Variants in SEZ6L observed in about 807,000 individuals in gnomAD.
The protein encoded by SEZ6L is seizure related 6 homolog like.
A neutral mutation model predicts 106.2 loss-of-function variants in SEZ6L; 37 were observed. The ratio of observed to expected loss-of-function variants is 0.35; its 90% confidence interval spans 0.27 to 0.46. The LOEUF is 0.46. Among genes scored for constraint, SEZ6L ranks in the 20% least tolerant of loss-of-function variants. SEZ6L has a pLI of 1.00. For synonymous variants in SEZ6L, 541 were observed against 570.4 expected (o/e 0.95, Z 0.73); for missense variants, 1,172 against 1,332.8 (o/e 0.88, Z 1.88).
chr22:26,292,929 T>C lies in SEZ6L; in HGVS notation c.618T>C (p.Thr206=), dbSNP rs1487241919. The C allele has an allele frequency of 5.0e-6, 8 of 1,613,954 alleles. No individual in the cohort carries two copies. The highest frequency in any genetic ancestry group is 5.9e-6 in the Non-Finnish European group (7 of 1,180,010). Residue 206 remains threonine, a synonymous_variant, in exon 2 of 17, where the codon ACT becomes ACC. Coordinates refer to ENST00000248933, the MANE Select transcript of SEZ6L (RefSeq NM_021115.5). ...TPAPLQISPF[T]SQPYVAHTLP... ...CACCCCTGCAAATCTCCCCCTTCAC[T>C]TCGCAGCCCTATGTGGCCCACACAC...
intron 1 of SEZ6L, among the ~76,000 whole-genome samples, chr22:26,262,244 T>TTATCTATCTATCTATC (rs58457773): frequency 0.14 from 20,828 of 144,158 alleles, 1,603 homozygotes; most frequent in East Asian, 0.2. Flanking sequence ...TTGATATATT[T>TTATCTATCTATCTATC]TATCTATCTA....
intron 1 of SEZ6L, among the ~76,000 whole-genome samples, chr22:26,262,743 T>A (rs1442670252): frequency 6.6e-6 from 1 of 152,054 alleles, no homozygotes; most frequent in Non-Finnish European, 1.5e-5. Flanking sequence ...TGTGCATGGG[T>A]CGATGGGGGA....
At chr22:26,378,417 C>T (rs918165054) in intron 16 of SEZ6L, among the ~76,000 whole-genome samples, 7 of 152,330 alleles carry the variant, frequency 4.6e-5, no homozygotes, top group African/African-American at 1.4e-4. Context: ...GATGCACAGC[C>T]TGAAGCCAGG....
At chr22:26,361,516 A>ATATAT (rs1007423921) in intron 12 of SEZ6L, among the ~76,000 whole-genome samples, 1 of 136,908 alleles carries the variant, frequency 7.3e-6, no homozygotes, top group African/African-American at 2.7e-5. Context: ...CAAAAAAAAA[A>ATATAT]AAAAATATAT....
intron 1 of SEZ6L, among the ~76,000 whole-genome samples, chr22:26,220,928 G>GAT (rs58688098): frequency 2.0e-5 from 3 of 151,826 alleles, no homozygotes; most frequent in East Asian, 1.9e-4. Flanking sequence ...TGGATGGATG[G>GAT]GTGGATGGAT....
chr22:26,270,516 C>T (rs548418229), intron 1 of SEZ6L, among the ~76,000 whole-genome samples: 159 of 151,010 alleles, frequency 1.1e-3, no homozygotes, highest in African/African-American at 3.8e-3. Context: ...GTGAAGCACT[C>T]CTGGAGGAAG....
intron 13 of SEZ6L, among the ~76,000 whole-genome samples, chr22:26,368,756 A>AT (rs397961352): frequency 1.3e-5 from 2 of 151,762 alleles, no homozygotes; most frequent in Non-Finnish European, 2.9e-5. Context: ...AAAAAAAAAA[A>AT]CAATTCCCCT....
chr22:26,179,588 A>G (rs1184211657), intron 1 of SEZ6L, among the ~76,000 whole-genome samples: 1 of 152,190 alleles, frequency 6.6e-6, no homozygotes, highest in Non-Finnish European at 1.5e-5. Context: ...AGTTTATGGT[A>G]TTTTGTTGTA....
At chr22:26,272,299 G>A (rs1023437670) in intron 1 of SEZ6L, among the ~76,000 whole-genome samples, 3 of 152,154 alleles carry the variant, frequency 2.0e-5, no homozygotes, top group Non-Finnish European at 4.4e-5. Flanking sequence ...TTCTATGTCC[G>A]AGTTACATTC....
chr22:26,326,242 G>A (rs2082302395), intron 9 of SEZ6L, among the ~76,000 whole-genome samples: 1 of 152,186 alleles, frequency 6.6e-6, no homozygotes, highest in African/African-American at 2.4e-5. Context: ...CCTTGTCGGT[G>A]CACCCCTACA....
intron 1 of SEZ6L, among the ~76,000 whole-genome samples, chr22:26,286,630 C>CA (rs1335330577): frequency 1.3e-5 from 2 of 152,150 alleles, no homozygotes; most frequent in Non-Finnish European, 2.9e-5. Context: ...TCACTCACAT[C>CA]ACCTTGTACC....
chr22:26,228,354 T>C (rs2078696966), intron 1 of SEZ6L, among the ~76,000 whole-genome samples: 1 of 152,158 alleles, frequency 6.6e-6, no homozygotes, highest in African/African-American at 2.4e-5. Flanking sequence ...GCGAGGTTAA[T>C]GAAGGTGAGG....
intron 1 of SEZ6L, among the ~76,000 whole-genome samples, chr22:26,212,716 C>G (rs562453956): frequency 6.6e-6 from 1 of 152,308 alleles, no homozygotes; most frequent in African/African-American, 2.4e-5. Flanking sequence ...AGCCACCACG[C>G]CTGGCCAAGA....
At chr22:26,258,925 A>G (rs977747610) in intron 1 of SEZ6L, among the ~76,000 whole-genome samples, 3 of 152,224 alleles carry the variant, frequency 2.0e-5, no homozygotes, top group African/African-American at 7.2e-5. Flanking sequence ...TCATCATGGA[A>G]GGAGGATCTT....
At chr22:26,258,981 G>A (rs2079913661) in intron 1 of SEZ6L, among the ~76,000 whole-genome samples, 1 of 152,220 alleles carries the variant, frequency 6.6e-6, no homozygotes. Flanking sequence ...AGAGACAGCT[G>A]TAATCATCTA....
intron 1 of SEZ6L, among the ~76,000 whole-genome samples, chr22:26,259,701 G>T (rs559805765): frequency 4.2e-4 from 64 of 152,292 alleles, no homozygotes; most frequent in African/African-American, 1.4e-3. Context: ...ATTTAAAGGA[G>T]GCACCCATGC....
chr22:26,199,206 T>C (rs566242050), intron 1 of SEZ6L, among the ~76,000 whole-genome samples: 3 of 152,266 alleles, frequency 2.0e-5, no homozygotes, highest in Middle Eastern at 3.4e-3. Context: ...AACCAACCTT[T>C]TGCACCAATT....
chr22:26,206,929 A>G (rs1353967824), intron 1 of SEZ6L, among the ~76,000 whole-genome samples: 1 of 152,226 alleles, frequency 6.6e-6, no homozygotes, highest in Non-Finnish European at 1.5e-5. Flanking sequence ...TTATTTTGAA[A>G]GCTCCAGGGA....
At chr22:26,327,422 C>T (rs1031433441) in intron 9 of SEZ6L, among the ~76,000 whole-genome samples, 16 of 121,696 alleles carry the variant, frequency 1.3e-4, no homozygotes, top group African/African-American at 3.2e-4. Context: ...CACACACACA[C>T]GCACAAACCA....
Sources: gnomAD v4.1 joint callset for allele counts (sites outside exome capture counted in the v4.1 genomes callset) on GRCh38, gnomAD v4.1.1 for gene constraint, MANE v1.5 for transcripts, NCBI Gene and HGNC (gene_info 2026-07-23, HGNC 2026-07-21) for gene names.